Variants in CAND2 observed in about 807,000 individuals in gnomAD.
CAND2 encodes the protein cullin associated and neddylation dissociated 2 (putative).
In CAND2, 62 loss-of-function variants were observed where a neutral mutation model predicts 98.9. The ratio of observed to expected loss-of-function variants is 0.63; its 90% CI spans 0.51 to 0.77. The LOEUF is 0.77. Ranked by LOEUF, CAND2 falls within the 30% of genes least tolerant of loss-of-function variation. The pLI is 0.00. For synonymous variants in CAND2, 770 were observed against 731.9 expected, an observed-to-expected ratio of 1.05 and a Z score of -0.84; for missense variants, 1,501 against 1,655.2, an observed-to-expected ratio of 0.91 and a Z score of 1.62.
In CAND2 at chr3:12,817,176, G is replaced by C. The variant is rs1300420112; in HGVS notation, c.2244G>C (p.Leu748=). ...SELLRLLRSP[L]LPAGVLAAAE... The stretch of plus-strand genomic sequence containing the variant: ...TGCTGCGGCTGCTGCGTTCGCCCCT[G>C]TTGCCAGCCGGGGTTCTGGCAGCTG... Residue 748 remains leucine (L), a synonymous_variant, in exon 10 of 15, where the codon CTG becomes CTC. Coordinates refer to ENST00000456430, the MANE Select transcript of CAND2 (RefSeq NM_001162499.2). The C allele has an allele frequency of 1.2e-6, 2 of 1,613,142 alleles. No individual in the cohort carries two copies. Among genetic ancestry groups the C allele is most frequent in the Non-Finnish European group, 1.7e-6 (2 of 1,179,998 alleles).
intron 9 of CAND2, 78 bp downstream of exon 9, chr3:12,816,086 C>CAGTTCCTG (rs1305703334): frequency 6.9e-7 from 1 of 1,446,720 alleles, no homozygotes; most frequent in Non-Finnish European, 9.5e-7. Flanking sequence ...GTTGAGCCCC[C>CAGTTCCTG]AGTTCCTGAG....
intron 11 of CAND2, among the ~76,000 whole-genome samples, chr3:12,821,304 G>A (rs1320533663): frequency 1.3e-5 from 2 of 152,056 alleles, no homozygotes; most frequent in Non-Finnish European, 2.9e-5. Flanking sequence ...AGAGACTGAG[G>A]CAAAAGAATT....
At chr3:12,825,099 A>C (rs2061988393) in intron 11 of CAND2, among the ~76,000 whole-genome samples, 1 of 149,784 alleles carries the variant, frequency 6.7e-6, no homozygotes, top group South Asian at 2.1e-4. Flanking sequence ...GCATTACCAC[A>C]TTCAAAAAAT....
intron 11 of CAND2, among the ~76,000 whole-genome samples, chr3:12,822,351 A>G (rs1222035628): frequency 4.1e-5 from 6 of 148,138 alleles, no homozygotes; most frequent in Admixed American, 2.7e-4. Flanking sequence ...CTGGAAGGCA[A>G]TGGCACAGTC....
chr3:12,817,502 G>A lies in CAND2; in HGVS notation c.2570G>A (p.Gly857Asp), dbSNP rs770883814. 3.7e-6 allele frequency: 6 copies of A among 1,613,444 alleles called. No homozygotes were observed. The highest frequency in any genetic ancestry group is 1.3e-5 in the African/African-American group (1 of 74,954). ...LAEVGQVAGP[G>D]HQRELKAVLL... ...GAGGTGGGTCAGGTGGCTGGGCCAG[G>A]CCACCAGCGGGAGCTGAAGGCGGTG... Residue 857 changes from glycine (G) to aspartate (D), a missense_variant, in exon 10 of 15, where the codon GGC becomes GAC. Physicochemically the swap from Gly to Asp is moderately conservative, Grantham distance 94. This residue lies in a region of CAND2 where 1,427 missense variants were observed against 1,545.3 expected (regional missense o/e 0.92). Coordinates refer to ENST00000456430, the MANE Select transcript of CAND2 (RefSeq NM_001162499.2).
chr3:12,805,912 T>G (rs542268762), intron 2 of CAND2, among the ~76,000 whole-genome samples: 1 of 152,186 alleles, frequency 6.6e-6, no homozygotes, highest in Non-Finnish European at 1.5e-5. Context: ...CTCAATAGTT[T>G]TGATGACCAA....
intron 11 of CAND2, among the ~76,000 whole-genome samples, chr3:12,824,778 C>T (rs1435635531): frequency 6.6e-6 from 1 of 152,066 alleles, no homozygotes; most frequent in Non-Finnish European, 1.5e-5. Flanking sequence ...CATGGTGGTT[C>T]GTGCCTGTAA....
intron 10 of CAND2, 49 bp from the exon 11 acceptor site, chr3:12,820,037 C>G: frequency 6.7e-7 from 1 of 1,483,588 alleles, no homozygotes; most frequent in Non-Finnish European, 9.4e-7. Flanking sequence ...CTGTGAGCCT[C>G]CAGGATTGGC....
rs757397927 is a variant in CAND2 at position 12,815,167 on chromosome 3, G to A, written c.1033G>A (p.Asp345Asn). 6.2e-6 allele frequency: 10 copies of A among 1,612,110 alleles called. No individual in the cohort carries two copies. The highest frequency in any genetic ancestry group is 3.3e-5 in the Admixed American group (2 of 59,984). ...QESEDEYSDD[D>N]DMSWKVRRAA... ...GAGTGAAGACGAGTACAGCGATGAC[G>A]ATGACATGAGCTGGAAGGTGCGCCG... Residue 345 changes from aspartate to asparagine, a missense_variant, in exon 8 of 15, where the codon GAT (aspartate) becomes AAT (asparagine). Asp to Asn is a conservative substitution (Grantham distance 23, BLOSUM62 1). Transcript: ENST00000456430. The surrounding 1 kb of genome is among the most constrained non-coding windows in gnomAD (Gnocchi z 5.7).
At position 12,816,325 on chromosome 3, in the gene CAND2, G is replaced by A. The variant is rs770379378; in HGVS notation, c.1442-49G>A. 4.5e-6 allele frequency: 7 copies of A among 1,542,550 alleles called. No individual in the cohort carries two copies. In the African/African-American group the frequency reaches 8.2e-5, roughly 18 times the overall value. On this transcript the variant is annotated intron_variant, in intron 9 of 14. Transcript: ENST00000456430. ...CCCAGCCTTGCTTCCAGGGAGGGCC[G>A]TGTTGCATCAGAGGCGGTGGCCTCA...
At chr3:12,824,776 T>G (rs2061986691) in intron 11 of CAND2, among the ~76,000 whole-genome samples, 1 of 152,052 alleles carries the variant, frequency 6.6e-6, no homozygotes, top group Admixed American at 6.6e-5. Context: ...GGCATGGTGG[T>G]TCGTGCCTGT....
chr3:12,809,960 T>C (rs1287968769), intron 4 of CAND2, 99 bp from the exon 5 acceptor site: 3 of 1,331,428 alleles, frequency 2.3e-6, no homozygotes, highest in African/African-American at 1.5e-5. Flanking sequence ...GTTGCCATAA[T>C]CCTGGGAAGG....
intron 1 of CAND2, among the ~76,000 whole-genome samples, chr3:12,800,937 G>T (rs566010087): frequency 6.6e-6 from 1 of 151,894 alleles, no homozygotes; most frequent in Non-Finnish European, 1.5e-5. Context: ...TGGCCAGGCT[G>T]GTCTCTAATT....
In CAND2 at chr3:12,834,234, AG is replaced by A; in HGVS notation, c.*254del. The A allele has an allele frequency of 1.9e-6, 1 of 525,390 alleles. No homozygotes were observed. Among genetic ancestry groups the A allele is most frequent in the South Asian group, 2.3e-5 (1 of 43,636 alleles). The allele number at this position is 525,390 out of a possible 1,614,324, so 32.5% of individuals were successfully genotyped here. A position where few individuals can be genotyped will look rare whatever the true frequency, so the allele number is the denominator to read the frequency against. On this transcript the variant is annotated 3_prime_UTR_variant, in exon 15 of 15. Transcript: ENST00000456430. ...GACAGTCATCCAAAGAAATAGGGTGAGGAAGTTTTCCAGTGACTTCACACTG... is the reference window on the plus strand; with the variant it reads ...GACAGTCATCCAAAGAAATAGGGTGAGAAGTTTTCCAGTGACTTCACACTG...
chr3:12,829,897 C>T (rs1467908098), intron 13 of CAND2, among the ~76,000 whole-genome samples: 3 of 152,218 alleles, frequency 2.0e-5, no homozygotes, highest in African/African-American at 7.2e-5. Flanking sequence ...GTTCCCATTT[C>T]TGTTGCACTC....
At chr3:12,822,146 C>G (rs2061961144) in intron 11 of CAND2, among the ~76,000 whole-genome samples, 1 of 152,058 alleles carries the variant, frequency 6.6e-6, no homozygotes, top group Non-Finnish European at 1.5e-5. Context: ...ACTTTTTCTT[C>G]TCTCCCACTT....
Position 12,827,496 on chromosome 3 carries a change from G to T in CAND2, c.3267G>T (p.Ala1089=). 1 of 1,614,060 alleles carries T rather than the reference G, an allele frequency of 6.2e-7. No individual in the cohort carries two copies. Among genetic ancestry groups the T allele is most frequent in the Non-Finnish European group, 8.5e-7 (1 of 1,179,986 alleles). The change falls in exon 13 of 15, where the codon GCG becomes GCT. Residue 1089 remains alanine (A), a synonymous_variant. Coordinates refer to ENST00000456430, the MANE Select transcript of CAND2 (RefSeq NM_001162499.2). ...ACGATGGGCTGGACGTGCGGAAGGC[G>T]GCCTTTGAATGCATGTATTCACTGC... ...TVDDGLDVRK[A]AFECMYSLLE... is the part of the protein sequence containing the mutation.
intron 5 of CAND2, among the ~76,000 whole-genome samples, chr3:12,812,142 C>T (rs1214280770): frequency 6.6e-6 from 1 of 151,298 alleles, no homozygotes; most frequent in Non-Finnish European, 1.5e-5. Flanking sequence ...CTCCTGACCT[C>T]AGATGATCCA....
chr3:12,825,400 CG>C (rs1180454044), intron 11 of CAND2, 69 bp from the exon 12 acceptor site: 4 of 1,441,914 alleles, frequency 2.8e-6, no homozygotes, highest in Non-Finnish European at 3.8e-6. Flanking sequence ...ACCAGATGGC[CG>C]GGGTGGTGAG....
Sources: gnomAD v4.1 joint callset for allele counts (sites outside exome capture counted in the v4.1 genomes callset) on GRCh38, gnomAD v4.1.1 for gene constraint, gnomAD v4.1.1 regional missense constraint, Gnocchi (gnomAD v3.1) non-coding constraint, MANE v1.5 for transcripts, NCBI Gene and HGNC (gene_info 2026-07-23, HGNC 2026-07-21) for gene names.